The following RPN1 variants were observed in gnomAD, a reference collection of about 807,000 sequenced individuals.
RPN1 encodes ribophorin I.
In RPN1, 12 loss-of-function variants were observed where a neutral mutation model predicts 55.5. The observed-to-expected ratio is 0.22, with a 90% CI of 0.14 to 0.35. The LOEUF (loss-of-function observed/expected upper bound fraction) is 0.35, where lower values mean the gene tolerates loss of function less well. Among genes scored for constraint, RPN1 ranks in the 10% least tolerant of loss-of-function variants. The pLI is 1.00. For synonymous variants in RPN1, 317 were observed against 305.9 expected, an observed-to-expected ratio of 1.04 and a Z score of -0.38; for missense variants, 679 against 761.3, an observed-to-expected ratio of 0.89 and a Z score of 1.27.
chr3:128,629,391 T>A lies in RPN1; in HGVS notation c.1036+560A>T, dbSNP rs145026732. On this transcript the variant is annotated intron_variant, in intron 5 of 9. Transcript: ENST00000296255. Reference sequence around the variant, plus strand: ...ACCTGGCCAACATGGTGAAACCCCATCTCTACTAGAAATACAAAAAATTAG... The same window carrying A: ...ACCTGGCCAACATGGTGAAACCCCAACTCTACTAGAAATACAAAAAATTAG... Among the ~76,000 whole-genome samples, 703 of 152,158 alleles carry A rather than the reference T, an allele frequency of 4.6e-3. 10 individuals are homozygous for A. The highest frequency in any genetic ancestry group is 0.016 in the African/African-American group (671 of 41,508).
At position 128,628,432 on chromosome 3, in the gene RPN1, T is replaced by C. The variant is rs78357535; in HGVS notation, c.1036+1519A>G. Reference sequence around the variant, plus strand: ...ACAAATAATAATGCTTTAACATAAATGCAAAGAAAAGCAACTTTAATTATT... The same window carrying C: ...ACAAATAATAATGCTTTAACATAAACGCAAAGAAAAGCAACTTTAATTATT... On this transcript the variant is annotated intron_variant, in intron 5 of 9. Transcript: ENST00000296255. 3.1e-5 allele frequency among the ~76,000 whole-genome samples: 4 copies of C among 127,644 alleles called. No individual in the cohort carries two copies. The South Asian group carries it at 9.7e-4, about 31-fold the overall frequency. 83.7% of individuals were successfully genotyped at this position (127,644 alleles called of 152,430 possible).
In RPN1 at chr3:128,645,101, T is replaced by C. The variant is rs1033077269; in HGVS notation, c.262-118A>G. 2.8e-5 allele frequency: 18 copies of C among 647,910 alleles called. No individual in the cohort carries two copies. The Middle Eastern group carries it at 1.7e-3, about 63-fold the overall frequency. 40.1% of individuals were successfully genotyped at this position (647,910 alleles called of 1,614,324 possible). A position where few individuals can be genotyped will look rare whatever the true frequency, so the allele number is the denominator to read the frequency against. On this transcript the variant is annotated intron_variant, in intron 1 of 9. Coordinates refer to ENST00000296255, the MANE Select transcript of RPN1 (RefSeq NM_002950.4). ...AAGCAGTCAAACTATCAGAACTTTT[T>C]AGAGATTGAATTTTCTTTTCAGTAA...
At chr3:128,635,653 ATATATATAT>A (rs1559755866) in intron 3 of RPN1, among the ~76,000 whole-genome samples, 1 of 37,730 alleles carries the variant, frequency 2.7e-5, no homozygotes, top group Non-Finnish European at 5.5e-5. Context: ...ATATATATAT[ATATATATAT>A]ATAGATATCT....
intron 6 of RPN1, 88 bp from the exon 7 acceptor site, chr3:128,626,100 C>A: frequency 4.5e-6 from 6 of 1,340,354 alleles, no homozygotes; most frequent in Non-Finnish European, 5.1e-6. Flanking sequence ...GGCTAAGGAG[C>A]CTTTCAAGAT....
rs2069693432 is a variant in RPN1, at chr3:128,637,971, A to C, written c.461T>G (p.Val154Gly). The change falls in exon 3 of 10, where the codon GTG becomes GGG. Residue 154 changes from valine (V) to glycine (G), a missense_variant. Physicochemically the swap from Val to Gly is moderately radical, Grantham distance 109. Around this residue, in one of 3 missense-constraint regions of RPN1, gnomAD observed 352 missense variants for 352.8 expected, o/e 1.00. Transcript: ENST00000296255. ...TQITQSEKQF[V>G]VFEGNHYFYS... ...GAAATAATGGTTCCCCTCAAACACC[A>C]CAAACTGTTTCTCTGACTGGGTGAT... is the stretch of plus-strand genomic sequence containing the variant. The C allele has an allele frequency of 6.2e-7, 1 of 1,614,082 alleles. No homozygotes were observed. The highest frequency in any genetic ancestry group is 1.7e-5 in the Admixed American group (1 of 60,000).
intron 1 of RPN1, among the ~76,000 whole-genome samples, chr3:128,647,192 T>C (rs1245942661): frequency 6.6e-6 from 1 of 152,140 alleles, no homozygotes; most frequent in Non-Finnish European, 1.5e-5. Flanking sequence ...CTGATCTCTC[T>C]GCCAACCCAC....
At chr3:128,620,925 C>G (rs1185559069) in intron 9 of RPN1, among the ~76,000 whole-genome samples, 1 of 152,198 alleles carries the variant, frequency 6.6e-6, no homozygotes, top group African/African-American at 2.4e-5. Context: ...ATAGCAGCTC[C>G]TCTATGAACA....
At chr3:128,641,734 G>A (rs778022638) in intron 2 of RPN1, among the ~76,000 whole-genome samples, 5 of 149,504 alleles carry the variant, frequency 3.3e-5, no homozygotes, top group South Asian at 2.1e-4. Flanking sequence ...TCAGCCTCCC[G>A]AGTAGCTGGG....
chr3:128,634,460 G>A (rs926613017), intron 3 of RPN1, among the ~76,000 whole-genome samples: 2 of 151,734 alleles, frequency 1.3e-5, no homozygotes, highest in Non-Finnish European at 2.9e-5. Context: ...ACATTAAAAA[G>A]CCCTATGCTT....
At chr3:128,620,981 T>C (rs998599530) in intron 9 of RPN1, among the ~76,000 whole-genome samples, 1 of 152,182 alleles carries the variant, frequency 6.6e-6, no homozygotes, top group Non-Finnish European at 1.5e-5. Flanking sequence ...AGGGATTCAA[T>C]TAGGCAAAAG....
intron 2 of RPN1, chr3:128,644,709 A>G (rs2069753643): frequency 1.5e-6 from 1 of 653,040 alleles, no homozygotes; most frequent in African/African-American, 1.8e-5. Flanking sequence ...CTGTAATCCC[A>G]GCACTTTGAG....
At chr3:128,640,156 A>G (rs2069714563) in intron 2 of RPN1, among the ~76,000 whole-genome samples, 1 of 152,060 alleles carries the variant, frequency 6.6e-6, no homozygotes, top group Admixed American at 6.6e-5. Context: ...TGGGTGACGG[A>G]GCGAGAATCC....
intron 4 of RPN1, 81 bp downstream of exon 4, chr3:128,631,867 T>C (rs553707531): frequency 6.2e-6 from 9 of 1,451,720 alleles, no homozygotes; most frequent in Middle Eastern, 3.6e-4. Context: ...CCTAAATATT[T>C]AGCTAGTTTC....
At chr3:128,643,300 C>T (rs1376356716) in intron 2 of RPN1, among the ~76,000 whole-genome samples, 1 of 148,558 alleles carries the variant, frequency 6.7e-6, no homozygotes, top group East Asian at 2.0e-4. Context: ...GCACTCCAGT[C>T]TGGGCAACAA....
At chr3:128,626,349 T>C (rs564552001) in intron 6 of RPN1, among the ~76,000 whole-genome samples, 2 of 152,324 alleles carry the variant, frequency 1.3e-5, no homozygotes, top group South Asian at 2.1e-4. Flanking sequence ...CCTGGGAGGC[T>C]TGAACAGATG....
chr3:128,626,636 A>G, intron 6 of RPN1, 97 bp downstream of exon 6: 1 of 1,046,872 alleles, frequency 9.6e-7, no homozygotes, highest in Non-Finnish European at 1.5e-6. Flanking sequence ...GAAAAGTGAC[A>G]CAAAGACTGT....
At chr3:128,645,851 T>C (rs1024130028) in intron 1 of RPN1, among the ~76,000 whole-genome samples, 2 of 152,038 alleles carry the variant, frequency 1.3e-5, no homozygotes, top group African/African-American at 4.8e-5. Context: ...CACAAAAAGA[T>C]TACACTTCCA....
intron 8 of RPN1, among the ~76,000 whole-genome samples, chr3:128,623,781 A>G (rs2069577664): frequency 6.6e-6 from 1 of 152,160 alleles, no homozygotes; most frequent in African/African-American, 2.4e-5. Context: ...TCTTTGAGGA[A>G]GAAGGCACAG....
At chr3:128,626,203 T>G (rs1037687033) in intron 6 of RPN1, among the ~76,000 whole-genome samples, 191 bp from the exon 7 acceptor site, 1 of 152,178 alleles carries the variant, frequency 6.6e-6, no homozygotes, top group Non-Finnish European at 1.5e-5. Flanking sequence ...GAAAGCCCTT[T>G]GTTTTAAAGC....
Sources: gnomAD v4.1 joint callset for allele counts (sites outside exome capture counted in the v4.1 genomes callset) on GRCh38, gnomAD v4.1.1 for gene constraint, gnomAD v4.1.1 regional missense constraint, MANE v1.5 for transcripts, NCBI Gene and HGNC (gene_info 2026-07-23, HGNC 2026-07-21) for gene names.